SPMAP1: variants seen among roughly 807,000 people sequenced by gnomAD.
The protein encoded by SPMAP1 is uncharacterized protein C17orf98.
chr17:38,837,059 A>C, the SPMAP1 span: 5 of 904,922 alleles, frequency 5.5e-6, no homozygotes. Flanking sequence ...GGAAGGATGC[A>C]GTCCCTTTGC....
At chr17:38,838,976 T>C in the SPMAP1 span, among the ~76,000 whole-genome samples, 44 of 149,686 alleles carry the variant, frequency 2.9e-4, no homozygotes, top group African/African-American at 1.0e-3. Flanking sequence ...ATCTCAGCTA[T>C]TCAGGAGGCC....
At chr17:38,840,812 C>T in the SPMAP1 span, among the ~76,000 whole-genome samples, 1 of 150,488 alleles carries the variant, frequency 6.6e-6, no homozygotes, top group South Asian at 2.1e-4. Context: ...ATTACAGGCT[C>T]ACACCTGTAA....
the SPMAP1 span, chr17:38,835,496 G>A: frequency 1.2e-6 from 1 of 826,432 alleles, no homozygotes; most frequent in Non-Finnish European, 1.9e-6. Context: ...CTGAGACTCT[G>A]GGCTGAAAAG....
chr17:38,841,258 G>C, the SPMAP1 span: 1 of 1,614,176 alleles, frequency 6.2e-7, no homozygotes, highest in Non-Finnish European at 8.5e-7. Context: ...CCTGCTGCGC[G>C]TTGTAGGGCG....
the SPMAP1 span, among the ~76,000 whole-genome samples, chr17:38,836,518 C>G: frequency 6.6e-6 from 1 of 151,198 alleles, no homozygotes; most frequent in Admixed American, 6.6e-5. Flanking sequence ...GAGGATTGCG[C>G]AAGCCCAGGA....
the SPMAP1 span, among the ~76,000 whole-genome samples, chr17:38,839,409 A>G: frequency 1.3e-5 from 2 of 150,352 alleles, no homozygotes; most frequent in Non-Finnish European, 3.0e-5. Context: ...CAGAGGTTGC[A>G]GTAAGCCAAA....
the SPMAP1 span, chr17:38,841,399 C>A: frequency 6.2e-7 from 1 of 1,613,318 alleles, no homozygotes; most frequent in Middle Eastern, 1.7e-4. Flanking sequence ...TCCCAACCAC[C>A]GTAGCCTCGG....
chr17:38,835,543 T>C, the SPMAP1 span, among the ~76,000 whole-genome samples: 1 of 152,134 alleles, frequency 6.6e-6, no homozygotes, highest in Non-Finnish European at 1.5e-5. Context: ...GAAGGCTTCC[T>C]AGAAATAAAA....
chr17:38,841,302 C>T, the SPMAP1 span: 1 of 1,614,162 alleles, frequency 6.2e-7, no homozygotes. Flanking sequence ...CTAGAGCGCC[C>T]ATAAGCGCGG....
At chr17:38,836,546 G>A in the SPMAP1 span, among the ~76,000 whole-genome samples, 22 of 151,228 alleles carry the variant, frequency 1.5e-4, no homozygotes, top group African/African-American at 5.1e-4. Context: ...ACTGCAGTGA[G>A]TAGTAATTGT....
the SPMAP1 span, among the ~76,000 whole-genome samples, chr17:38,839,283 G>T: frequency 1.3e-5 from 2 of 151,534 alleles, no homozygotes; most frequent in African/African-American, 2.4e-5. Flanking sequence ...GCCGAGATGG[G>T]CAGAACACTT....
the SPMAP1 span, among the ~76,000 whole-genome samples, chr17:38,835,888 G>C: frequency 2.0e-5 from 3 of 152,106 alleles, no homozygotes; most frequent in Non-Finnish European, 4.4e-5. Flanking sequence ...GGGAACAGGG[G>C]CTTCAGAGTT....
chr17:38,837,604 G>A, the SPMAP1 span, among the ~76,000 whole-genome samples: 2 of 151,538 alleles, frequency 1.3e-5, no homozygotes, highest in Non-Finnish European at 2.9e-5. Flanking sequence ...CTTGAACCCC[G>A]GAGGCAGAAG....
chr17:38,837,458 C>G, the SPMAP1 span, among the ~76,000 whole-genome samples: 4 of 152,120 alleles, frequency 2.6e-5, no homozygotes, highest in Admixed American at 2.0e-4. Context: ...GGGTGGATCA[C>G]CTGAGGCCAG....
chr17:38,835,467 C>T, the SPMAP1 span: 1 of 1,030,834 alleles, frequency 9.7e-7, no homozygotes, highest in Non-Finnish European at 1.4e-6. Context: ...CCATGCTGAA[C>T]ACGCAATCCA....
chr17:38,839,741 A>C, the SPMAP1 span, among the ~76,000 whole-genome samples: 1 of 151,972 alleles, frequency 6.6e-6, no homozygotes, highest in Non-Finnish European at 1.5e-5. Flanking sequence ...CAGAGCTTGC[A>C]GTGAGCCGAG....
chr17:38,835,821 A>C, the SPMAP1 span, among the ~76,000 whole-genome samples: 2 of 152,060 alleles, frequency 1.3e-5, no homozygotes, highest in Non-Finnish European at 2.9e-5. Context: ...ATATCTCTCA[A>C]CTCTTTCCCA....
At chr17:38,837,197 A>G in the SPMAP1 span, 1 of 1,614,016 alleles carries the variant, frequency 6.2e-7, no homozygotes, top group Non-Finnish European at 8.5e-7. Flanking sequence ...GAAGATGTGG[A>G]TGTAGTCTAC....
the SPMAP1 span, chr17:38,841,248 CCTG>C: frequency 6.2e-7 from 1 of 1,614,148 alleles, no homozygotes; most frequent in African/African-American, 1.3e-5. Flanking sequence ...GCGTGGTAGT[CCTG>C]CTGCGCGTTG....
Sources: gnomAD v4.1 joint callset for allele counts (sites outside exome capture counted in the v4.1 genomes callset) on GRCh38, gnomAD v4.1.1 for gene constraint, MANE v1.5 for transcripts, NCBI Gene and HGNC (gene_info 2026-07-23, HGNC 2026-07-21) for gene names.